The following RARB variants were observed in gnomAD, a reference collection of about 807,000 sequenced individuals.
RARB encodes the protein retinoic acid receptor beta, also known as HBV-activated protein.
In RARB, 17 loss-of-function variants were observed where a neutral mutation model predicts 51.9. The ratio of observed to expected loss-of-function variants is 0.33; its 90% CI spans 0.22 to 0.49. The LOEUF (loss-of-function observed/expected upper bound fraction) is 0.49. Ranked by LOEUF, RARB falls within the 20% of genes least tolerant of loss-of-function variation. RARB has a pLI of 0.99. For missense variants in RARB, 369 were observed against 550.8 expected, an observed-to-expected ratio of 0.67 and a Z score of 3.30; for synonymous variants, 215 against 195.4, an observed-to-expected ratio of 1.10 and a Z score of -0.84.
intron 1 of RARB, among the ~76,000 whole-genome samples, chr3:25,459,667 G>C (rs1695075029): frequency 6.6e-6 from 1 of 152,164 alleles, no homozygotes; most frequent in Admixed American, 6.5e-5. Context: ...GTGATGTGGG[G>C]ATGGATTAAC....
intron 5 of RARB, among the ~76,000 whole-genome samples, chr3:25,418,010 C>T (rs1003916036): frequency 2.6e-4 from 40 of 152,268 alleles, no homozygotes; most frequent in African/African-American, 9.4e-4. Flanking sequence ...TAGAGTTCTG[C>T]AGTATTCCAC....
chr3:25,323,932 A>G (rs1036881207), intron 5 of RARB, among the ~76,000 whole-genome samples: 3 of 152,226 alleles, frequency 2.0e-5, no homozygotes, highest in Non-Finnish European at 2.9e-5. Context: ...GACAATAGGC[A>G]ATCAAGGATC....
chr3:25,291,733 C>T (rs973543800), intron 5 of RARB, among the ~76,000 whole-genome samples: 2 of 151,934 alleles, frequency 1.3e-5, no homozygotes, highest in Non-Finnish European at 2.9e-5. Flanking sequence ...TGAAAGTCAG[C>T]CTTTTCTTCA....
intron 1 of RARB, among the ~76,000 whole-genome samples, chr3:25,448,182 C>G (rs982527519): frequency 8.6e-5 from 13 of 152,022 alleles, no homozygotes; most frequent in Admixed American, 8.5e-4. Flanking sequence ...ATACTTCCAA[C>G]CATATGCCTC....
chr3:24,835,374 G>A (rs1702331531), intron 1 of RARB, among the ~76,000 whole-genome samples: 1 of 152,138 alleles, frequency 6.6e-6, no homozygotes, highest in South Asian at 2.1e-4. Context: ...AGCAAGCCAA[G>A]CAAATAACTT....
At chr3:24,938,154 A>AAAGAAGGGAGT (rs1695584536) in intron 2 of RARB, among the ~76,000 whole-genome samples, 1 of 152,190 alleles carries the variant, frequency 6.6e-6, no homozygotes, top group South Asian at 2.1e-4. Context: ...TGGTAAGATG[A>AAAGAAGGGAGT]AAGAAGGGAG....
chr3:24,994,127 G>T (rs1696972540), intron 2 of RARB, among the ~76,000 whole-genome samples: 1 of 152,146 alleles, frequency 6.6e-6, no homozygotes, highest in African/African-American at 2.4e-5. Flanking sequence ...CACCAATGGT[G>T]TGTAAGGCTT....
intron 1 of RARB, among the ~76,000 whole-genome samples, chr3:24,856,305 C>A (rs1484933452): frequency 6.6e-6 from 1 of 151,980 alleles, no homozygotes; most frequent in Non-Finnish European, 1.5e-5. Flanking sequence ...GGCGAGGCTT[C>A]CTGGATTGAA....
At chr3:25,073,359 G>A (rs1429104254) in intron 3 of RARB, among the ~76,000 whole-genome samples, 1 of 152,148 alleles carries the variant, frequency 6.6e-6, no homozygotes, top group African/African-American at 2.4e-5. Flanking sequence ...CAAATTCAAT[G>A]CAGGTCATCA....
rs7613984 is a variant in RARB, at chr3:25,401,401, G to A, written c.179-59792G>A. 2.9e-3 allele frequency among the ~76,000 whole-genome samples: 445 copies of A among 152,124 alleles called. 5 individuals carry two copies. Among genetic ancestry groups the A allele is most frequent in the African/African-American group, 9.9e-3 (411 of 41,472 alleles). The stretch of plus-strand genomic sequence containing the variant: ...GCCTTTATAATTTTTCATATACAAC[G>A]TTCCTCGCTCTACCAAAACTTACCA... On this transcript the variant is annotated intron_variant, in intron 5 of 11. Transcript: ENST00000383772.
intron 5 of RARB, among the ~76,000 whole-genome samples, chr3:25,422,382 G>A (rs866958928): frequency 1.3e-5 from 2 of 152,266 alleles, no homozygotes; most frequent in Admixed American, 6.5e-5. Flanking sequence ...CAAAATTCAC[G>A]TGGAATAGCA....
chr3:25,470,640 T>G (rs898354425), intron 2 of RARB, among the ~76,000 whole-genome samples: 1 of 152,210 alleles, frequency 6.6e-6, no homozygotes, highest in Non-Finnish European at 1.5e-5. Flanking sequence ...ACATTTATTT[T>G]GCATAACCCT....
rs189896050 is a variant in RARB at position 25,323,799 on chromosome 3, G to A, written c.179-137394G>A. On this transcript the variant is annotated intron_variant, in intron 5 of 11. Coordinates refer to the RARB transcript ENST00000383772. The stretch of plus-strand genomic sequence containing the variant: ...TGGATGAACATAGGGATAAGATTTA[G>A]AAATTAAACTAAATTTATGACTTCA... Among the ~76,000 whole-genome samples the A allele has an allele frequency of 8.5e-5, 13 of 152,256 alleles. 1 individual carries two copies. The highest frequency in any genetic ancestry group is 6.8e-3 in the Middle Eastern group (2 of 294).
chr3:24,846,857 A>G (rs1400007805), intron 1 of RARB, among the ~76,000 whole-genome samples: 1 of 149,388 alleles, frequency 6.7e-6, no homozygotes, highest in East Asian at 2.0e-4. Context: ...CACCTATTCT[A>G]TGGCCAAAAT....
At chr3:25,173,180 T>C (rs17015892) in intron 4 of RARB, among the ~76,000 whole-genome samples, 2,454 of 152,348 alleles carry the variant, frequency 0.016, 59 homozygotes, top group African/African-American at 0.052. Context: ...GCTTCTTCTA[T>C]TCCCAGTCTC....
At chr3:25,177,898 T>A (rs919418237) in intron 5 of RARB, among the ~76,000 whole-genome samples, 1 of 152,180 alleles carries the variant, frequency 6.6e-6, no homozygotes, top group Non-Finnish European at 1.5e-5. Context: ...TCTAAATCTT[T>A]TAAGAATGAA....
chr3:25,465,322 C>T (rs1035846867), intron 2 of RARB, among the ~76,000 whole-genome samples: 1 of 152,074 alleles, frequency 6.6e-6, no homozygotes, highest in Non-Finnish European at 1.5e-5. Context: ...TTTTAGGATA[C>T]CAGCAGATGC....
intron 3 of RARB, among the ~76,000 whole-genome samples, chr3:25,553,695 T>G (rs1699935805): frequency 6.6e-6 from 1 of 152,170 alleles, no homozygotes; most frequent in Non-Finnish European, 1.5e-5. Context: ...CACATTTGTA[T>G]GGATTGTCAC....
intron 5 of RARB, among the ~76,000 whole-genome samples, chr3:25,332,931 T>G (rs908106108): frequency 6.6e-6 from 1 of 152,136 alleles, no homozygotes; most frequent in African/African-American, 2.4e-5. Flanking sequence ...TCACAATTGC[T>G]TCAAAGAGAA....
Sources: gnomAD v4.1 joint callset for allele counts (sites outside exome capture counted in the v4.1 genomes callset) on GRCh38, gnomAD v4.1.1 for gene constraint, MANE v1.5 for transcripts, NCBI Gene and HGNC (gene_info 2026-07-23, HGNC 2026-07-21) for gene names.